SNTB2: variants seen among roughly 807,000 people sequenced by gnomAD.
SNTB2 encodes beta-2-syntrophin.
SNTB2 carries 34 observed loss-of-function variants against 46.2 expected under a neutral mutation model. The observed-to-expected ratio is 0.74, with a 90% CI of 0.56 to 0.98. SNTB2 has a LOEUF of 0.98. Ranked by LOEUF, SNTB2 falls within the 50% of genes least tolerant of loss-of-function variation. The pLI is 0.00. For synonymous variants in SNTB2, 290 were observed against 312.6 expected, an observed-to-expected ratio of 0.93 and a Z score of 0.76; for missense variants, 603 against 731.4, an observed-to-expected ratio of 0.82 and a Z score of 2.02.
chr16:69,292,406 AT>A (rs1355438870), intron 5 of SNTB2, among the ~76,000 whole-genome samples: 14,347 of 36,330 alleles, frequency 0.39, 4,028 homozygotes, highest in African/African-American at 0.61. Flanking sequence ...ATATATATAT[AT>A]TATATATATA....
At chr16:69,268,152 A>C (rs1964904239) in intron 3 of SNTB2, among the ~76,000 whole-genome samples, 1 of 152,190 alleles carries the variant, frequency 6.6e-6, no homozygotes, top group Non-Finnish European at 1.5e-5. Context: ...GTACCTTCTA[A>C]GCTGAAACAT....
chr16:69,285,944 C>T (rs1965098635), intron 5 of SNTB2, among the ~76,000 whole-genome samples: 1 of 152,150 alleles, frequency 6.6e-6, no homozygotes. Flanking sequence ...AGGCACCTGC[C>T]ATCATACCCA....
In SNTB2 at chr16:69,224,742, A is replaced by G. The variant is rs150763244; in HGVS notation, c.581-20860A>G. On this transcript the variant is annotated intron_variant, in intron 1 of 6. Coordinates refer to ENST00000336278, the MANE Select transcript of SNTB2 (RefSeq NM_006750.4). Reference sequence around the variant, plus strand: ...CCTCCATTTATGTATTTATTACATTATTTATATTATTGTGGACTCTTGGAT... The same window carrying G: ...CCTCCATTTATGTATTTATTACATTGTTTATATTATTGTGGACTCTTGGAT... 7.4e-3 allele frequency among the ~76,000 whole-genome samples: 1,129 copies of G among 152,272 alleles called. 8 individuals carry two copies. Among genetic ancestry groups the G allele is most frequent in the Non-Finnish European group, 0.012 (806 of 68,010 alleles).
chr16:69,295,745 A>C (rs1336367215), intron 5 of SNTB2, among the ~76,000 whole-genome samples: 2 of 151,658 alleles, frequency 1.3e-5, no homozygotes, highest in Non-Finnish European at 2.9e-5. Flanking sequence ...AAAAAAAAAA[A>C]GCCACTTCTC....
In SNTB2 at chr16:69,187,201, C is replaced by G. The variant is rs1266619201; in HGVS notation, c.35C>G (p.Ala12Gly). ...RVAAATAAAG[A>G]GPAMAVWTRA... The stretch of plus-strand genomic sequence containing the variant: ...GCTGCGGCGACTGCGGCGGCTGGAG[C>G]GGGGCCGGCCATGGCGGTGTGGACG... The change falls in exon 1 of 7, where the codon GCG becomes GGG. Residue 12 changes from alanine to glycine, a missense_variant. By Grantham distance (60) the Ala-to-Gly change is moderately conservative (BLOSUM62 0). Coordinates refer to ENST00000336278, the MANE Select transcript of SNTB2 (RefSeq NM_006750.4). 18 of 1,396,950 alleles carry G rather than the reference C, an allele frequency of 1.3e-5. No homozygotes were observed. The African/African-American group carries it at 2.5e-4, about 20-fold the overall frequency. The allele number at this position is 1,396,950 out of a possible 1,614,324, so 86.5% of individuals were successfully genotyped here. A position where few individuals can be genotyped will look rare whatever the true frequency, so the allele number is the denominator to read the frequency against.
At chr16:69,270,038 G>C in intron 3 of SNTB2, 105 bp from the exon 4 acceptor site, 1 of 1,317,644 alleles carries the variant, frequency 7.6e-7, no homozygotes, top group Non-Finnish European at 1.1e-6. Context: ...CCATCAGGTT[G>C]GGAAAACAAA....
chr16:69,198,896 GTT>G (rs1206371769), intron 1 of SNTB2, among the ~76,000 whole-genome samples: 35 of 127,666 alleles, frequency 2.7e-4, no homozygotes, highest in Admixed American at 1.4e-3. Context: ...ATATAATAAT[GTT>G]TTTTTTTTTT....
chr16:69,248,293 A>G (rs1964690476), intron 2 of SNTB2, among the ~76,000 whole-genome samples: 1 of 152,224 alleles, frequency 6.6e-6, no homozygotes, highest in Admixed American at 6.5e-5. Flanking sequence ...TCTAAGTGCA[A>G]CACAGCTTGA....
intron 1 of SNTB2, among the ~76,000 whole-genome samples, chr16:69,223,866 G>A (rs558895179): frequency 1.3e-4 from 20 of 152,122 alleles, no homozygotes; most frequent in Admixed American, 9.8e-4. Context: ...TCCTGACCTC[G>A]TGATCCACCC....
intron 1 of SNTB2, among the ~76,000 whole-genome samples, chr16:69,238,747 A>G (rs1304607512): frequency 6.6e-6 from 1 of 152,012 alleles, no homozygotes; most frequent in Non-Finnish European, 1.5e-5. Context: ...CCCTTATGTA[A>G]TCTGATGTAG....
chr16:69,211,893 G>C (rs1327346110), intron 1 of SNTB2, among the ~76,000 whole-genome samples: 2 of 152,120 alleles, frequency 1.3e-5, no homozygotes, highest in African/African-American at 4.8e-5. Flanking sequence ...TCTGTATTTT[G>C]GTGGTGATCT....
At chr16:69,255,456 A>C (rs1283478182) in intron 2 of SNTB2, among the ~76,000 whole-genome samples, 1 of 151,884 alleles carries the variant, frequency 6.6e-6, no homozygotes, top group Non-Finnish European at 1.5e-5. Context: ...ACTACTCGAG[A>C]GGCTGAGGCA....
intron 4 of SNTB2, among the ~76,000 whole-genome samples, chr16:69,274,253 A>C (rs867417826): frequency 4.6e-5 from 7 of 151,790 alleles, no homozygotes; most frequent in South Asian, 4.2e-4. Context: ...CGGAGGTTGC[A>C]GTGAGCTGAT....
At chr16:69,198,895 T>TG (rs947261477) in intron 1 of SNTB2, among the ~76,000 whole-genome samples, 5 of 146,068 alleles carry the variant, frequency 3.4e-5, no homozygotes, top group African/African-American at 1.3e-4. Context: ...AATATAATAA[T>TG]GTTTTTTTTT....
rs145655232 is a variant in SNTB2, at chr16:69,223,023, A to T, written c.581-22579A>T. On this transcript the variant is annotated intron_variant, in intron 1 of 6. Transcript: ENST00000336278. Reference sequence around the variant, plus strand: ...GGTCTCAAACTCCTAACCTCAGGTGATCCACCTGCCTCGGCCTCCTGAAGT... The same window carrying T: ...GGTCTCAAACTCCTAACCTCAGGTGTTCCACCTGCCTCGGCCTCCTGAAGT... Among the ~76,000 whole-genome samples, 690 of 152,032 alleles carry T rather than the reference A, an allele frequency of 4.5e-3. 5 individuals carry two copies. The highest frequency in any genetic ancestry group is 0.027 in the East Asian group (142 of 5,168).
chr16:69,199,358 A>G (rs1481898597), intron 1 of SNTB2, among the ~76,000 whole-genome samples: 1 of 152,120 alleles, frequency 6.6e-6, no homozygotes, highest in East Asian at 1.9e-4. Flanking sequence ...AGATTTGCAG[A>G]TAAATCGGCT....
intron 5 of SNTB2, among the ~76,000 whole-genome samples, chr16:69,298,782 A>C (rs1427821971): frequency 2.0e-5 from 3 of 151,908 alleles, no homozygotes; most frequent in Non-Finnish European, 4.4e-5. Context: ...TCGACCTCCC[A>C]AAGTGCTGGG....
intron 1 of SNTB2, among the ~76,000 whole-genome samples, chr16:69,220,916 T>C (rs1254086311): frequency 6.6e-6 from 1 of 152,146 alleles, no homozygotes; most frequent in Admixed American, 6.6e-5. Context: ...CCCCCAAAAG[T>C]TCCCCTGTTC....
intron 1 of SNTB2, among the ~76,000 whole-genome samples, chr16:69,209,933 C>T (rs1964262345): frequency 6.6e-6 from 1 of 151,642 alleles, no homozygotes; most frequent in Non-Finnish European, 1.5e-5. Flanking sequence ...ATAGTGTAGA[C>T]ATGGCACAAT....
Sources: allele counts gnomAD v4.1 joint callset (sites outside exome capture counted in the v4.1 genomes callset), GRCh38; gene constraint gnomAD v4.1.1; transcripts MANE v1.5; gene names NCBI Gene and HGNC (gene_info 2026-07-23, HGNC 2026-07-21).